Variants in SPOCK1 observed in about 807,000 individuals in gnomAD.
SPOCK1 encodes testican-1.
A neutral mutation model predicts 55.3 loss-of-function variants in SPOCK1; 23 were observed. That is an observed-to-expected ratio of 0.42 (90% CI 0.30 to 0.59). SPOCK1 has a LOEUF of 0.59. Among genes scored for constraint, SPOCK1 ranks in the 20% least tolerant of loss-of-function variants. The probability of loss-of-function intolerance (pLI) is 0.22; values close to 1 mark genes in which losing one functional copy is unlikely to be tolerated. For missense variants in SPOCK1, 499 were observed against 552.5 expected, an observed-to-expected ratio of 0.90 and a Z score of 0.97; for synonymous variants, 226 against 221.0, an observed-to-expected ratio of 1.02 and a Z score of -0.20.
intron 2 of SPOCK1, among the ~76,000 whole-genome samples, chr5:137,329,173 C>T (rs1291542709): frequency 6.6e-6 from 1 of 152,130 alleles, no homozygotes; most frequent in Admixed American, 6.5e-5. Context: ...GAAGAGGGAG[C>T]TCCTCTTGCG....
At chr5:137,432,490 A>G (rs1319595208) in intron 2 of SPOCK1, among the ~76,000 whole-genome samples, 4 of 152,250 alleles carry the variant, frequency 2.6e-5, no homozygotes, top group Admixed American at 2.6e-4. Context: ...GCTAAGTGAA[A>G]TAAGCCAGAC....
At chr5:137,480,032 G>A (rs904295715) in intron 2 of SPOCK1, among the ~76,000 whole-genome samples, 2 of 152,142 alleles carry the variant, frequency 1.3e-5, no homozygotes, top group Non-Finnish European at 2.9e-5. Flanking sequence ...ACTGTGCAGG[G>A]GAACAGGAAG....
At chr5:137,425,223 T>C (rs1253309436) in intron 2 of SPOCK1, among the ~76,000 whole-genome samples, 1 of 152,260 alleles carries the variant, frequency 6.6e-6, no homozygotes, top group Middle Eastern at 3.2e-3. Context: ...ATACACTTAT[T>C]ACTAATGTAC....
At chr5:137,459,361 A>T (rs1226967302) in intron 2 of SPOCK1, among the ~76,000 whole-genome samples, 2 of 151,974 alleles carry the variant, frequency 1.3e-5, no homozygotes, top group African/African-American at 4.8e-5. Flanking sequence ...CCCAACTCCA[A>T]GCCTTAGGGG....
rs183553685 is a variant in SPOCK1, at chr5:137,464,497, G to A, written c.186+33876C>T. 5.6e-4 allele frequency among the ~76,000 whole-genome samples: 82 copies of A among 145,476 alleles called. 1 individual carries two copies. The highest frequency in any genetic ancestry group is 2.0e-3 in the African/African-American group (79 of 39,408). ...GAATATGGAAAAGATAGTGTGGCAA[G>A]AAATGGTATGGGCCTAAATTAAGAG... On this transcript the variant is annotated intron_variant, in intron 2 of 10. Coordinates refer to ENST00000394945, the MANE Select transcript of SPOCK1 (RefSeq NM_004598.4).
intron 2 of SPOCK1, among the ~76,000 whole-genome samples, chr5:137,438,688 C>G: frequency 6.6e-6 from 1 of 151,866 alleles, no homozygotes; most frequent in Middle Eastern, 3.2e-3. Context: ...CCAAGCTGAA[C>G]CTGATGACCT....
chr5:137,414,354 T>A (rs1196833577), intron 2 of SPOCK1, among the ~76,000 whole-genome samples: 2 of 152,216 alleles, frequency 1.3e-5, no homozygotes, highest in Non-Finnish European at 2.9e-5. Context: ...CTTCCCCTTC[T>A]GCTGAGCCAT....
chr5:137,355,627 A>G (rs1159172300), intron 2 of SPOCK1, among the ~76,000 whole-genome samples: 4 of 152,290 alleles, frequency 2.6e-5, no homozygotes, highest in South Asian at 2.1e-4. Flanking sequence ...TGCAGTGACC[A>G]TCCTGGAGAG....
At chr5:137,433,302 G>C (rs1314117427) in intron 2 of SPOCK1, among the ~76,000 whole-genome samples, 1 of 151,410 alleles carries the variant, frequency 6.6e-6, no homozygotes, top group Non-Finnish European at 1.5e-5. Context: ...TGTTTGGTTA[G>C]AGGGAACTGT....
intron 4 of SPOCK1, among the ~76,000 whole-genome samples, chr5:137,134,277 C>G (rs1408339777): frequency 1.3e-5 from 2 of 152,222 alleles, no homozygotes; most frequent in African/African-American, 4.8e-5. Flanking sequence ...CAGTAAGCAG[C>G]AACCTTGAGC....
At position 137,294,311 on chromosome 5, in the gene SPOCK1, C is replaced by T. The variant is rs528298453; in HGVS notation, c.187-27256G>A. Among the ~76,000 whole-genome samples, 54 of 152,180 alleles carry T rather than the reference C, an allele frequency of 3.5e-4. 1 individual carries two copies. The highest frequency in any genetic ancestry group is 7.4e-4 in the Non-Finnish European group (50 of 68,006). On this transcript the variant is annotated intron_variant, in intron 2 of 10. Coordinates refer to ENST00000394945, the MANE Select transcript of SPOCK1 (RefSeq NM_004598.4). ...AATTTCCTATATTAATAGATACAGG[C>T]AAAATGGCTTGGATTGAGTACATAC... is the stretch of plus-strand genomic sequence containing the variant.
intron 6 of SPOCK1, among the ~76,000 whole-genome samples, chr5:137,006,102 C>G (rs1361778001): frequency 6.6e-6 from 1 of 152,204 alleles, no homozygotes; most frequent in African/African-American, 2.4e-5. Flanking sequence ...GTTTTGGTTA[C>G]TGAAGCCTTG....
intron 2 of SPOCK1, among the ~76,000 whole-genome samples, chr5:137,485,350 T>C (rs935363506): frequency 1.3e-5 from 2 of 152,230 alleles, no homozygotes; most frequent in Admixed American, 1.3e-4. Context: ...TGACACGTAA[T>C]TGATACACTT....
At chr5:137,436,752 T>C (rs984747262) in intron 2 of SPOCK1, among the ~76,000 whole-genome samples, 1 of 152,342 alleles carries the variant, frequency 6.6e-6, no homozygotes, top group Admixed American at 6.5e-5. Context: ...TATCTCCCTT[T>C]ATTGAAGTCT....
intron 2 of SPOCK1, among the ~76,000 whole-genome samples, chr5:137,309,353 G>A (rs929427871): frequency 6.6e-6 from 1 of 152,118 alleles, no homozygotes; most frequent in Non-Finnish European, 1.5e-5. Context: ...CAGGTGCCAG[G>A]CACCTCCTCT....
chr5:137,051,628 T>A (rs1195279260), intron 6 of SPOCK1, among the ~76,000 whole-genome samples: 1 of 151,876 alleles, frequency 6.6e-6, no homozygotes, highest in Admixed American at 6.6e-5. Flanking sequence ...ACAAATGACA[T>A]ATTGGGGGAA....
chr5:137,222,780 T>C (rs188726518), intron 3 of SPOCK1, among the ~76,000 whole-genome samples: 6 of 152,304 alleles, frequency 3.9e-5, no homozygotes, highest in Non-Finnish European at 7.4e-5. Flanking sequence ...TGACACTAGG[T>C]CTGGAATGTG....
At chr5:137,278,919 T>C (rs1318980436) in intron 2 of SPOCK1, among the ~76,000 whole-genome samples, 2 of 152,114 alleles carry the variant, frequency 1.3e-5, no homozygotes, top group African/African-American at 4.8e-5. Flanking sequence ...TGAGGACCAA[T>C]GTACTAGTCT....
At position 136,975,884 on chromosome 5, in the gene SPOCK1, A is replaced by T. The variant is rs1338635381; in HGVS notation, c.*2770T>A. ...GTTGGATACCAAGGAAATTGTATTA[A>T]AAGAGCTGTTCATGGAATAAGAATA... On this transcript the variant is annotated 3_prime_UTR_variant, in exon 11 of 11. Transcript: ENST00000394945. The T allele has an allele frequency of 1.3e-5, 2 of 152,240 alleles. No individual in the cohort carries two copies. Among genetic ancestry groups the T allele is most frequent in the African/African-American group, 4.8e-5 (2 of 41,466 alleles). 9.4% of individuals were successfully genotyped at this position (152,240 alleles called of 1,614,324 possible). A position where few individuals can be genotyped will look rare whatever the true frequency, so the allele number is the denominator to read the frequency against.
Sources: allele counts gnomAD v4.1 joint callset (sites outside exome capture counted in the v4.1 genomes callset), GRCh38; gene constraint gnomAD v4.1.1; transcripts MANE v1.5; gene names NCBI Gene and HGNC (gene_info 2026-07-23, HGNC 2026-07-21).